NALF1: variants seen among roughly 807,000 people sequenced by gnomAD.
The protein encoded by NALF1 is family with sequence similarity 155 member A.
Under a neutral mutation model 48.4 loss-of-function variants are expected in NALF1, and 3 were observed. The ratio of observed to expected loss-of-function variants is 0.06; its 90% CI spans 0.03 to 0.16. The LOEUF (loss-of-function observed/expected upper bound fraction) is 0.16, where lower values mean the gene tolerates loss of function less well. NALF1 is among the 10% of genes least tolerant of loss of function. The pLI, the probability that NALF1 is intolerant of heterozygous loss-of-function variation, is 1.00. For synonymous variants in NALF1, 262 were observed against 245.7 expected, an observed-to-expected ratio of 1.07 and a Z score of -0.62; for missense variants, 526 against 571.5, an observed-to-expected ratio of 0.92 and a Z score of 0.81.
chr13:107,554,163 A>G, intron 1 of NALF1, among the ~76,000 whole-genome samples: 1 of 152,188 alleles, frequency 6.6e-6, no homozygotes, highest in East Asian at 1.9e-4. Context: ...ACGCACTCTG[A>G]GCTGAGCCCG....
chr13:107,842,866 C>A (rs559802155), intron 1 of NALF1, among the ~76,000 whole-genome samples: 1 of 151,952 alleles, frequency 6.6e-6, no homozygotes, highest in South Asian at 2.1e-4. Flanking sequence ...AGACATCTGC[C>A]GGTGTGATAT....
intron 1 of NALF1, among the ~76,000 whole-genome samples, chr13:107,774,470 T>C (rs1877666283): frequency 6.6e-6 from 1 of 152,230 alleles, no homozygotes; most frequent in Non-Finnish European, 1.5e-5. Flanking sequence ...ATAGTATATG[T>C]TCCGTTATCT....
intron 1 of NALF1, among the ~76,000 whole-genome samples, chr13:107,465,332 T>C (rs1884983851): frequency 6.7e-6 from 1 of 149,604 alleles, no homozygotes. Flanking sequence ...TATATATATA[T>C]ATGTCTCTTT....
chr13:107,650,878 C>T (rs544938582), intron 1 of NALF1, among the ~76,000 whole-genome samples: 2 of 151,842 alleles, frequency 1.3e-5, no homozygotes, highest in South Asian at 4.2e-4. Context: ...ATGATAACAG[C>T]TTATGAACAC....
chr13:107,433,132 G>A (rs1424024898), intron 1 of NALF1, among the ~76,000 whole-genome samples: 1 of 152,070 alleles, frequency 6.6e-6, no homozygotes, highest in African/African-American at 2.4e-5. Context: ...CTTTAAGGAG[G>A]CATCTTATCA....
intron 1 of NALF1, among the ~76,000 whole-genome samples, chr13:107,843,985 T>G (rs1880107318): frequency 6.6e-6 from 1 of 152,116 alleles, no homozygotes; most frequent in Non-Finnish European, 1.5e-5. Flanking sequence ...TTATTTCCAC[T>G]CAGTACTGAA....
chr13:107,252,169 C>T (rs1880715059), intron 1 of NALF1, among the ~76,000 whole-genome samples: 1 of 152,136 alleles, frequency 6.6e-6, no homozygotes, highest in Admixed American at 6.5e-5. Flanking sequence ...GAAACACCCA[C>T]CTCCAAGCCC....
intron 1 of NALF1, among the ~76,000 whole-genome samples, chr13:107,460,376 A>G (rs1208363194): frequency 1.3e-5 from 2 of 152,186 alleles, no homozygotes; most frequent in African/African-American, 2.4e-5. Flanking sequence ...TTATTTTTCT[A>G]ATTCTGAGAC....
At chr13:107,425,896 T>A (rs1350252810) in intron 1 of NALF1, among the ~76,000 whole-genome samples, 1 of 150,592 alleles carries the variant, frequency 6.6e-6, no homozygotes, top group African/African-American at 2.5e-5. Flanking sequence ...CTACATACTA[T>A]GATATTAAAT....
chr13:107,452,528 T>G (rs1408484441), intron 1 of NALF1, among the ~76,000 whole-genome samples: 7 of 152,170 alleles, frequency 4.6e-5, no homozygotes, highest in Admixed American at 4.6e-4. Flanking sequence ...ACCATCTTCA[T>G]GATTAAATTA....
chr13:107,233,324 A>C (rs2138827130), intron 1 of NALF1, among the ~76,000 whole-genome samples: 1 of 152,326 alleles, frequency 6.6e-6, no homozygotes, highest in East Asian at 1.9e-4. Context: ...GACCATAGCA[A>C]GGCAGTTTTC....
intron 1 of NALF1, among the ~76,000 whole-genome samples, chr13:107,624,776 C>T (rs1460392776): frequency 6.6e-6 from 1 of 152,180 alleles, no homozygotes; most frequent in East Asian, 1.9e-4. Flanking sequence ...TAAGCTCTTC[C>T]ACTGCTTTCT....
chr13:107,479,786 G>C (rs78251728), intron 1 of NALF1, among the ~76,000 whole-genome samples: 1,817 of 152,256 alleles, frequency 0.012, 21 homozygotes, highest in South Asian at 0.036. Flanking sequence ...ATGTATGACA[G>C]ACATATTAGA....
chr13:107,575,252 CA>C (rs1176824479), intron 1 of NALF1, among the ~76,000 whole-genome samples: 3 of 152,070 alleles, frequency 2.0e-5, no homozygotes, highest in African/African-American at 7.2e-5. Context: ...GGGAAAAAAA[CA>C]GAACAGAATC....
intron 1 of NALF1, among the ~76,000 whole-genome samples, chr13:107,278,582 A>G (rs778082494): frequency 2.0e-5 from 3 of 152,348 alleles, no homozygotes; most frequent in African/African-American, 7.2e-5. Context: ...CCTAGAGCAA[A>G]AACAAATGCC....
At chr13:107,463,549 T>G (rs1884953469) in intron 1 of NALF1, among the ~76,000 whole-genome samples, 1 of 152,340 alleles carries the variant, frequency 6.6e-6, no homozygotes, top group Admixed American at 6.5e-5. Flanking sequence ...TTTTGCTTTG[T>G]TTTTGCCTCC....
At chr13:107,352,311 G>A (rs961739192) in intron 1 of NALF1, among the ~76,000 whole-genome samples, 5 of 152,174 alleles carry the variant, frequency 3.3e-5, no homozygotes, top group South Asian at 2.1e-4. Context: ...AGTTTTTCAG[G>A]TTTCTCTGGG....
At chr13:107,850,092 C>T (rs1460016953) in intron 1 of NALF1, among the ~76,000 whole-genome samples, 2 of 152,160 alleles carry the variant, frequency 1.3e-5, no homozygotes, top group Non-Finnish European at 2.9e-5. Flanking sequence ...GTTAAGAATG[C>T]TGTGCCCTAG....
chr13:107,254,490 C>T (rs55955982), intron 1 of NALF1, among the ~76,000 whole-genome samples: 17,255 of 152,062 alleles, frequency 0.11, 1,148 homozygotes, highest in African/African-American at 0.17. Context: ...TGAATGTTTC[C>T]GACACCATAG....
Sources: gnomAD v4.1 joint callset for allele counts (sites outside exome capture counted in the v4.1 genomes callset) on GRCh38, gnomAD v4.1.1 for gene constraint, MANE v1.5 for transcripts, NCBI Gene and HGNC (gene_info 2026-07-23, HGNC 2026-07-21) for gene names.